The following VPS37C variants were observed in gnomAD, a reference collection of about 807,000 sequenced individuals.
The protein encoded by VPS37C is vacuolar protein sorting-associated protein 37C.
VPS37C carries 9 observed loss-of-function variants against 16.1 expected under a neutral mutation model. The ratio of observed to expected loss-of-function variants is 0.56; its 90% CI spans 0.34 to 0.97. The LOEUF is 0.97. Ranked by LOEUF, VPS37C falls within the 50% of genes least tolerant of loss-of-function variation. VPS37C has a pLI of 0.02. For synonymous variants in VPS37C, 207 were observed against 206.4 expected (o/e 1.00, Z -0.02); for missense variants, 479 against 472.7 (o/e 1.01, Z -0.12).
intron 1 of VPS37C, among the ~76,000 whole-genome samples, chr11:61,141,723 GCCAGGCCTGGC>G (rs1219218115): frequency 6.6e-6 from 1 of 152,176 alleles, no homozygotes; most frequent in African/African-American, 2.4e-5. Flanking sequence ...CTGGCTCGGT[GCCAGGCCTGGC>G]CTGGAACAGA....
At chr11:61,134,775 T>C (rs1861335794) in intron 2 of VPS37C, among the ~76,000 whole-genome samples, 1 of 152,134 alleles carries the variant, frequency 6.6e-6, no homozygotes, top group South Asian at 2.1e-4. Context: ...ATGCCACACA[T>C]GTGTCCTGCA....
Position 61,133,357 on chromosome 11 carries a change from G to T in VPS37C, c.266-20C>A. The stretch of plus-strand genomic sequence containing the variant: ...ATTTCTCTGGAAGGGAGGGCAGAAC[G>T]ACTGACATTTGAAAAGTGCTTCCTG... On this transcript the variant is annotated intron_variant, in intron 3 of 4. Transcript: ENST00000301765. The T allele has an allele frequency of 1.2e-6, 2 of 1,612,280 alleles. No individual in the cohort carries two copies. The highest frequency in any genetic ancestry group is 2.2e-5 in the South Asian group (2 of 90,810).
intron 1 of VPS37C, among the ~76,000 whole-genome samples, chr11:61,151,355 G>A (rs1226943694): frequency 6.6e-6 from 1 of 152,194 alleles, no homozygotes; most frequent in African/African-American, 2.4e-5. Flanking sequence ...CCAAACAGAT[G>A]TACCGGCCCA....
chr11:61,136,283 A>G (rs1861372627), intron 2 of VPS37C, among the ~76,000 whole-genome samples: 1 of 149,808 alleles, frequency 6.7e-6, no homozygotes, highest in Admixed American at 6.8e-5. Flanking sequence ...CTCCTGCCTC[A>G]GCCTCCCTTG....
At chr11:61,149,301 A>C (rs1853263837) in intron 1 of VPS37C, among the ~76,000 whole-genome samples, 3 of 152,156 alleles carry the variant, frequency 2.0e-5, no homozygotes, top group African/African-American at 7.2e-5. Flanking sequence ...AAACAAACAA[A>C]CAAAAAAGAC....
chr11:61,158,741 G>A (rs1485020337), intron 1 of VPS37C, among the ~76,000 whole-genome samples: 1 of 152,134 alleles, frequency 6.6e-6, no homozygotes, highest in African/African-American at 2.4e-5. Context: ...TAAGCCCCAG[G>A]GGTCCTACTT....
chr11:61,145,215 G>A (rs1853179835), intron 1 of VPS37C: 1 of 152,250 alleles, frequency 6.6e-6, no homozygotes, highest in African/African-American at 2.4e-5. Context: ...ATCCCAGAAA[G>A]AAGCAGGAAG....
At chr11:61,156,575 ACT>A (rs1199016042) in intron 1 of VPS37C, among the ~76,000 whole-genome samples, 2 of 151,706 alleles carry the variant, frequency 1.3e-5, no homozygotes, top group Admixed American at 6.6e-5. Flanking sequence ...ACAGAAGGAG[ACT>A]CTGTCTCAAA....
In VPS37C at chr11:61,136,904, G is replaced by C. The variant is rs1861385917; in HGVS notation, c.93+1833C>G. ...TGCACCTGTAGTCCCAGCTACTTGG[G>C]AGGCTGAGGTGGGAGGATTGTTTGA... On this transcript the variant is annotated intron_variant, in intron 2 of 4. Transcript: ENST00000301765. 2.0e-5 allele frequency among the ~76,000 whole-genome samples: 3 copies of C among 152,174 alleles called. 1 individual carries two copies. The highest frequency in any genetic ancestry group is 2.0e-4 in the Admixed American group (3 of 15,276).
chr11:61,136,353 T>C (rs1861374546), intron 2 of VPS37C, among the ~76,000 whole-genome samples: 1 of 151,994 alleles, frequency 6.6e-6, no homozygotes, highest in African/African-American at 2.4e-5. Context: ...TTTGTATTTT[T>C]AGTAGAGATG....
In VPS37C at chr11:61,131,885, G is replaced by A. The variant is rs924435192; in HGVS notation, c.1003C>T (p.Pro335Ser). The change falls in exon 5 of 5, where the codon CCC (proline) becomes TCC (serine). Residue 335 changes from proline (P) to serine (S), a missense_variant. Transcript: ENST00000301765. ...CCATAGGGAGGGGCGGGCCCGGGGG[G>A]ATAAGGGGGCTGCAGGGGCACTGAG... ...QPSVPLQPPY[P>S]PGPAPPYGFP... The A allele has an allele frequency of 4.7e-6, 6 of 1,266,856 alleles. No homozygotes were observed. The highest frequency in any genetic ancestry group is 3.1e-5 in the African/African-American group (2 of 64,112). The allele number at this position is 1,266,856 out of a possible 1,614,324, so 78.5% of individuals were successfully genotyped here.
At chr11:61,146,755 C>T (rs745350361) in intron 1 of VPS37C, among the ~76,000 whole-genome samples, 1 of 152,204 alleles carries the variant, frequency 6.6e-6, no homozygotes, top group African/African-American at 2.4e-5. Flanking sequence ...AGGAACAGTG[C>T]CCCTGGTTCC....
chr11:61,133,110 A>G (rs1340068046), intron 4 of VPS37C, 145 bp downstream of exon 4: 1 of 893,196 alleles, frequency 1.1e-6, no homozygotes, highest in Admixed American at 2.0e-5. Flanking sequence ...AGGCCTCCCC[A>G]GGACTAAAGA....
intron 1 of VPS37C, among the ~76,000 whole-genome samples, chr11:61,147,391 A>G (rs1213575826): frequency 6.6e-6 from 1 of 152,088 alleles, no homozygotes; most frequent in African/African-American, 2.4e-5. Context: ...CCATTACTTT[A>G]TATCTTGACT....
intron 1 of VPS37C, among the ~76,000 whole-genome samples, chr11:61,148,200 A>T (rs966462949): frequency 1.3e-5 from 2 of 152,118 alleles, no homozygotes; most frequent in East Asian, 3.8e-4. Context: ...AGCACCTGGG[A>T]GCTGAAGCAC....
rs564019561 is a variant in VPS37C at position 61,149,840 on chromosome 11, G to A, written c.-6-11005C>T. Reference sequence around the variant, plus strand: ...CCCCCCTTTGTCCAGAGGCAGGGCCGTCAAGTGAGAAGACTCAAGAATAAT... The same window carrying A: ...CCCCCCTTTGTCCAGAGGCAGGGCCATCAAGTGAGAAGACTCAAGAATAAT... On this transcript the variant is annotated intron_variant, in intron 1 of 4. Coordinates refer to ENST00000301765, the MANE Select transcript of VPS37C (RefSeq NM_017966.5). 2.6e-5 allele frequency among the ~76,000 whole-genome samples: 4 copies of A among 152,298 alleles called. No homozygotes were observed. The East Asian group carries it at 7.7e-4, about 29-fold the overall frequency.
chr11:61,141,120 G>A (rs1861465779), intron 1 of VPS37C, among the ~76,000 whole-genome samples: 1 of 152,196 alleles, frequency 6.6e-6, no homozygotes, highest in Non-Finnish European at 1.5e-5. Context: ...TATAATCCCA[G>A]CACTTTGGAA....
At position 61,134,066 on chromosome 11, in the gene VPS37C, C is replaced by G; in HGVS notation, c.235G>C (p.Glu79Gln). Reference protein sequence around the residue: ...DRYQELRKLVERCQEQKAKLE... With the variant: ...DRYQELRKLVQRCQEQKAKLE... Reference sequence around the variant, plus strand: ...TTTGCCTTCTGCTCCTGGCACCGCTCCACGAGCTTCCGGAGCTCCTGGTAT... The same window carrying G: ...TTTGCCTTCTGCTCCTGGCACCGCTGCACGAGCTTCCGGAGCTCCTGGTAT... Residue 79 changes from glutamate to glutamine, a missense_variant, in exon 3 of 5, where the codon GAG becomes CAG. Coordinates refer to ENST00000301765, the MANE Select transcript of VPS37C (RefSeq NM_017966.5). 3 of 1,613,060 alleles carry G rather than the reference C, an allele frequency of 1.9e-6. No homozygotes were observed. The highest frequency in any genetic ancestry group is 2.5e-6 in the Non-Finnish European group (3 of 1,179,196).
intron 1 of VPS37C, among the ~76,000 whole-genome samples, chr11:61,155,104 CA>C (rs61061689): frequency 1.2e-3 from 153 of 130,586 alleles, no homozygotes; most frequent in African/African-American, 2.0e-3. Flanking sequence ...ACTCTGTCTC[CA>C]AAAAAAAAAA....
Sources: gnomAD v4.1 joint callset for allele counts (sites outside exome capture counted in the v4.1 genomes callset) on GRCh38, gnomAD v4.1.1 for gene constraint, MANE v1.5 for transcripts, NCBI Gene and HGNC (gene_info 2026-07-23, HGNC 2026-07-21) for gene names.